The following CEP112 variants were observed in gnomAD, a reference collection of about 807,000 sequenced individuals.
CEP112 encodes centrosomal protein 112.
In CEP112, 127 loss-of-function variants were observed where a neutral mutation model predicts 153.0. The observed-to-expected ratio is 0.83, with a 90% confidence interval of 0.72 to 0.96. The LOEUF (loss-of-function observed/expected upper bound fraction) is 0.96, where lower values mean the gene tolerates loss of function less well. Ranked by LOEUF, CEP112 falls within the 40% of genes least tolerant of loss-of-function variation. CEP112 has a pLI of 0.00. For synonymous variants in CEP112, 358 were observed against 374.4 expected (o/e 0.96, Z 0.51); for missense variants, 1,089 against 1,101.2 (o/e 0.99, Z 0.16).
chr17:65,993,985 G>C (rs2063690260), intron 17 of CEP112, among the ~76,000 whole-genome samples: 1 of 146,988 alleles, frequency 6.8e-6, no homozygotes, highest in Admixed American at 7.0e-5. Context: ...TGAGACTGCA[G>C]GATAAGTCCC....
chr17:66,086,985 TA>T (rs548941580), intron 8 of CEP112, among the ~76,000 whole-genome samples: 51 of 152,250 alleles, frequency 3.3e-4, no homozygotes, highest in African/African-American at 1.2e-3. Context: ...AAAAATATGA[TA>T]AAAAAACTTC....
intron 21 of CEP112, among the ~76,000 whole-genome samples, chr17:65,816,545 C>A (rs184459423): frequency 1.4e-3 from 218 of 152,072 alleles, no homozygotes; most frequent in African/African-American, 5.1e-3. Context: ...GCTTTTTCTA[C>A]ATCTACTGAT....
At chr17:65,866,561 C>T (rs1169395744) in intron 20 of CEP112, among the ~76,000 whole-genome samples, 3 of 152,180 alleles carry the variant, frequency 2.0e-5, no homozygotes, top group African/African-American at 7.2e-5. Flanking sequence ...ACCTGTGGTG[C>T]TTTTTCTCGG....
At chr17:66,183,349 T>C in intron 1 of CEP112, 42 bp from the exon 2 acceptor site, 9 of 1,344,242 alleles carry the variant, frequency 6.7e-6, no homozygotes, top group Non-Finnish European at 9.4e-6. Context: ...ATTTGTATGC[T>C]GAAAACTACA....
chr17:65,788,179 C>T (rs1189352012), intron 21 of CEP112, among the ~76,000 whole-genome samples: 1 of 152,118 alleles, frequency 6.6e-6, no homozygotes, highest in Admixed American at 6.6e-5. Context: ...GGTTTTTCTC[C>T]TTTCAGTGTG....
At chr17:65,883,263 C>CATATATATATATAT (rs34264279) in intron 20 of CEP112, among the ~76,000 whole-genome samples, 13 of 146,820 alleles carry the variant, frequency 8.9e-5, no homozygotes, top group African/African-American at 3.3e-4. Flanking sequence ...AAGAAGTTTA[C>CATATATATATATAT]ATATATATAT....
At chr17:65,870,382 A>C (rs2058633815) in intron 20 of CEP112, among the ~76,000 whole-genome samples, 1 of 152,222 alleles carries the variant, frequency 6.6e-6, no homozygotes, top group Non-Finnish European at 1.5e-5. Context: ...AAAACTAAAA[A>C]AGGAAAAAGA....
intron 20 of CEP112, among the ~76,000 whole-genome samples, chr17:65,887,381 G>A (rs191989151): frequency 6.6e-6 from 1 of 152,180 alleles, no homozygotes; most frequent in African/African-American, 2.4e-5. Context: ...GCCATTTTCT[G>A]ATTGAAAATG....
At chr17:65,907,885 T>C (rs2060140832) in intron 19 of CEP112, among the ~76,000 whole-genome samples, 1 of 152,224 alleles carries the variant, frequency 6.6e-6, no homozygotes, top group Non-Finnish European at 1.5e-5. Flanking sequence ...GTTGGACTAG[T>C]AGATACTTCG....
chr17:66,149,888 G>GGTTT (rs2071110287), intron 4 of CEP112, among the ~76,000 whole-genome samples: 1 of 54,710 alleles, frequency 1.8e-5, no homozygotes, highest in Non-Finnish European at 3.1e-5. Flanking sequence ...TTGTTTGTTT[G>GGTTT]TTTTTTTTTT....
chr17:65,959,933 G>A (rs1358487008), intron 18 of CEP112, among the ~76,000 whole-genome samples: 2 of 152,154 alleles, frequency 1.3e-5, no homozygotes, highest in East Asian at 3.9e-4. Context: ...TGAGCCCAGT[G>A]GGCCTTAGCA....
intron 4 of CEP112, 38 bp from the exon 5 acceptor site, chr17:66,132,801 A>G: frequency 7.8e-7 from 1 of 1,285,558 alleles, no homozygotes; most frequent in Non-Finnish European, 1.1e-6. Context: ...AATTTGGAGA[A>G]TTCAGAGGAC....
Position 65,851,865 on chromosome 17 carries a change from T to C in CEP112, c.2333A>G (p.Glu778Gly), listed in dbSNP as rs1179566297. Residue 778 changes from glutamate to glycine, a missense_variant, in exon 21 of 27, where the codon GAA (glutamate) becomes GGA (glycine). By Grantham distance (98) the Glu-to-Gly change is moderately conservative (BLOSUM62 -2). Coordinates refer to ENST00000535342, the MANE Select transcript of CEP112 (RefSeq NM_001199165.4). The part of the protein sequence containing the change: ...IVVNKLKAES[E>G]KMKIELKKTH... ...CTTTTTCAGCTCTATTTTCATCTTTTCTGATTCAGCCTTCAGTTTATTGAC... is the reference window on the plus strand; with the variant it reads ...CTTTTTCAGCTCTATTTTCATCTTTCCTGATTCAGCCTTCAGTTTATTGAC... The C allele has an allele frequency of 6.2e-7, 1 of 1,614,190 alleles. No homozygotes were observed. Among genetic ancestry groups the C allele is most frequent in the Non-Finnish European group, 8.5e-7 (1 of 1,180,028 alleles).
intron 12 of CEP112, among the ~76,000 whole-genome samples, chr17:66,046,794 A>G (rs1331242619): frequency 1.1e-5 from 1 of 90,532 alleles, no homozygotes; most frequent in African/African-American, 4.2e-5. Flanking sequence ...ACAGAAATAC[A>G]CAATGAAAAT....
intron 18 of CEP112, 99 bp from the exon 19 acceptor site, chr17:65,927,788 C>A (rs2060981832): frequency 1.4e-5 from 8 of 565,338 alleles, no homozygotes; most frequent in South Asian, 3.2e-5. Context: ...ATTTTAAGCA[C>A]CTCACCAATA....
At chr17:65,883,339 TG>T (rs1666980268) in intron 20 of CEP112, among the ~76,000 whole-genome samples, 1 of 151,720 alleles carries the variant, frequency 6.6e-6, no homozygotes, top group Non-Finnish European at 1.5e-5. Flanking sequence ...ATATATATGA[TG>T]TATATGTGTG....
chr17:65,761,112 G>C (rs1486122672), intron 21 of CEP112, among the ~76,000 whole-genome samples: 1 of 151,594 alleles, frequency 6.6e-6, no homozygotes, highest in African/African-American at 2.4e-5. Context: ...ACTTTTATTA[G>C]ATATTTATAT....
At chr17:65,658,276 T>C (rs1035038964) in intron 24 of CEP112, among the ~76,000 whole-genome samples, 4 of 152,230 alleles carry the variant, frequency 2.6e-5, no homozygotes, top group South Asian at 2.1e-4. Context: ...AATATTGTGA[T>C]GGAATCTCAG....
At position 66,056,013 on chromosome 17, in the gene CEP112, C is replaced by T. The variant is rs909437068; in HGVS notation, c.1075-2134G>A. ...AGTCTAGGAGGCTTTAAAGGGCAAA[C>T]GTTCCTTTAAGGGATAAACTATCTT... On this transcript the variant is annotated intron_variant, in intron 11 of 26. Coordinates refer to ENST00000535342, the MANE Select transcript of CEP112 (RefSeq NM_001199165.4). Among the ~76,000 whole-genome samples, 20 of 152,284 alleles carry T rather than the reference C, an allele frequency of 1.3e-4. 1 individual carries two copies. The highest frequency in any genetic ancestry group is 4.6e-4 in the African/African-American group (19 of 41,566).
Sources: allele counts gnomAD v4.1 joint callset (sites outside exome capture counted in the v4.1 genomes callset), GRCh38; gene constraint gnomAD v4.1.1; transcripts MANE v1.5; gene names NCBI Gene and HGNC (gene_info 2026-07-23, HGNC 2026-07-21).